Variants in SCMH1 observed in about 807,000 individuals in gnomAD.
SCMH1 encodes Scm polycomb group protein homolog 1, also known as polycomb protein SCMH1.
In SCMH1, 37 loss-of-function variants were observed where a neutral mutation model predicts 70.8. The ratio of observed to expected loss-of-function variants is 0.52; its 90% confidence interval spans 0.40 to 0.69. SCMH1 has a LOEUF of 0.69. SCMH1 is among the 30% of genes least tolerant of loss of function. The pLI is 0.00. For synonymous variants in SCMH1, 292 were observed against 307.4 expected (o/e 0.95, Z 0.52); for missense variants, 607 against 827.3 (o/e 0.73, Z 3.27).
At chr1:41,086,256 T>C (rs1342677309) in intron 8 of SCMH1, among the ~76,000 whole-genome samples, 7 of 152,152 alleles carry the variant, frequency 4.6e-5, no homozygotes, top group Admixed American at 4.6e-4. Context: ...AGTGAAAGAA[T>C]TGAGCAAGGT....
intron 8 of SCMH1, among the ~76,000 whole-genome samples, chr1:41,080,662 G>C (rs1659734948): frequency 6.6e-6 from 1 of 152,008 alleles, no homozygotes; most frequent in South Asian, 2.1e-4. Context: ...AAATGAAAGA[G>C]AAAACCTATA....
chr1:41,211,203 A>G (rs1243204811), intron 1 of SCMH1, among the ~76,000 whole-genome samples: 2 of 152,258 alleles, frequency 1.3e-5, no homozygotes, highest in Admixed American at 6.5e-5. Context: ...GCACAGCAAA[A>G]GAAACTATCA....
intron 2 of SCMH1, among the ~76,000 whole-genome samples, chr1:41,169,963 A>T (rs1646677546): frequency 1.3e-5 from 2 of 152,220 alleles, no homozygotes; most frequent in Admixed American, 1.3e-4. Flanking sequence ...GGCTGGTGGC[A>T]GGTTAATATT....
intron 1 of SCMH1, among the ~76,000 whole-genome samples, chr1:41,202,818 C>G (rs762281682): frequency 8.5e-5 from 13 of 152,114 alleles, no homozygotes; most frequent in Non-Finnish European, 1.3e-4. Context: ...CTATATGCCT[C>G]TCCTACTACC....
intron 12 of SCMH1, among the ~76,000 whole-genome samples, chr1:41,042,826 GAGTA>G (rs1431621747): frequency 6.6e-6 from 1 of 152,170 alleles, no homozygotes; most frequent in African/African-American, 2.4e-5. Flanking sequence ...ATCGGGCACA[GAGTA>G]AGTATTTGTA....
At chr1:41,176,818 C>T (rs889030741) in intron 2 of SCMH1, among the ~76,000 whole-genome samples, 1 of 152,226 alleles carries the variant, frequency 6.6e-6, no homozygotes, top group African/African-American at 2.4e-5. Flanking sequence ...GACTCCACCT[C>T]TCAGGGCAGG....
chr1:41,116,956 C>T, exon 7 of SCMH1: 3 of 1,604,064 alleles, frequency 1.9e-6, no homozygotes, highest in Non-Finnish European at 2.6e-6. Context: ...CATCTCTGCT[C>T]CATTTAGCGT....
At position 41,113,743 on chromosome 1, in the gene SCMH1, T is replaced by A. The variant is rs940653392; in HGVS notation, c.502-217A>T. Among the ~76,000 whole-genome samples the A allele has an allele frequency of 1.3e-5, 2 of 152,194 alleles. No homozygotes were observed. Among genetic ancestry groups the A allele is most frequent in the African/African-American group, 2.4e-5 (1 of 41,444 alleles). ...TTTGACAACTTTGCTTCAGATTTTT[T>A]AAAAAGGAAATAAAAGGTTGCAGAT... On this transcript the variant is annotated intron_variant, in intron 7 of 14. Transcript: ENST00000337495. The surrounding 1 kb of genome is among the most constrained non-coding windows in gnomAD (Gnocchi z 4.3).
chr1:41,240,074 C>T (rs956325788), intron 1 of SCMH1, among the ~76,000 whole-genome samples: 9 of 152,222 alleles, frequency 5.9e-5, no homozygotes, highest in African/African-American at 2.2e-4. Flanking sequence ...GAGAATGGTG[C>T]TATGCAAATG....
chr1:41,166,024 A>T (rs758824695), intron 2 of SCMH1, among the ~76,000 whole-genome samples: 1 of 152,094 alleles, frequency 6.6e-6, no homozygotes, highest in East Asian at 1.9e-4. Context: ...GTTGATTCTC[A>T]TATGAGGGGT....
intron 4 of SCMH1, 83 bp from the exon 5 acceptor site, chr1:41,151,767 C>T (rs1293365874): frequency 3.4e-6 from 3 of 877,566 alleles, no homozygotes; most frequent in African/African-American, 3.4e-5. Context: ...AAACAGTAAG[C>T]TATTTGTAGA....
At chr1:41,045,508 G>A (rs1049724606) in intron 12 of SCMH1, among the ~76,000 whole-genome samples, 7 of 152,140 alleles carry the variant, frequency 4.6e-5, no homozygotes, top group African/African-American at 1.7e-4. Context: ...TTAAGACTAT[G>A]ATGAAAAGAC....
intron 10 of SCMH1, among the ~76,000 whole-genome samples, chr1:41,062,402 G>A (rs993884399): frequency 2.0e-5 from 3 of 151,566 alleles, no homozygotes; most frequent in Non-Finnish European, 2.9e-5. Flanking sequence ...TAAGGAGTTC[G>A]AATCCAGCCT....
At chr1:41,037,485 A>G in exon 13 of SCMH1, 1 of 1,614,242 alleles carries the variant, frequency 6.2e-7, no homozygotes, top group Non-Finnish European at 8.5e-7. Context: ...GAGTCCATTG[A>G]GTCTGAGTGT....
intron 1 of SCMH1, among the ~76,000 whole-genome samples, chr1:41,226,941 A>G (rs1400100108): frequency 1.3e-5 from 2 of 152,224 alleles, no homozygotes; most frequent in East Asian, 1.9e-4. Context: ...GGGAACAATC[A>G]TAAGAAAAAA....
intron 10 of SCMH1, among the ~76,000 whole-genome samples, chr1:41,067,229 G>A (rs1317498853): frequency 6.6e-6 from 1 of 152,024 alleles, no homozygotes; most frequent in Non-Finnish European, 1.5e-5. Context: ...TGGATCACGA[G>A]GTGAGGAGAT....
intron 7 of SCMH1, among the ~76,000 whole-genome samples, chr1:41,114,502 A>C (rs915833332): frequency 5.9e-5 from 9 of 152,122 alleles, no homozygotes; most frequent in African/African-American, 2.2e-4. Context: ...TATAAATTTC[A>C]ATCAGTTTTT....
At chr1:41,142,125 T>C (rs1290678369) in intron 6 of SCMH1, among the ~76,000 whole-genome samples, 1 of 152,194 alleles carries the variant, frequency 6.6e-6, no homozygotes, top group East Asian at 1.9e-4. Context: ...AATTTTACAT[T>C]ACAAATTTTT....
chr1:41,151,641 G>A (rs756273295), exon 5 of SCMH1: 1 of 1,612,866 alleles, frequency 6.2e-7, no homozygotes, highest in Admixed American at 1.7e-5. Flanking sequence ...CAGGCGCTGG[G>A]ACTGAACATG....
Sources: gnomAD v4.1 joint callset for allele counts (sites outside exome capture counted in the v4.1 genomes callset) on GRCh38, gnomAD v4.1.1 for gene constraint, Gnocchi (gnomAD v3.1) non-coding constraint, MANE v1.5 for transcripts, NCBI Gene and HGNC (gene_info 2026-07-23, HGNC 2026-07-21) for gene names.